Variants in MORN1 observed in about 807,000 individuals in gnomAD.
The protein encoded by MORN1 is MORN repeat-containing protein 1.
MORN1 carries 67 observed loss-of-function variants against 61.9 expected under a neutral mutation model. The observed-to-expected ratio is 1.08, with a 90% CI of 0.89 to 1.33. The LOEUF (loss-of-function observed/expected upper bound fraction) is 1.33, where lower values mean the gene tolerates loss of function less well. Ranked by LOEUF, MORN1 falls within the 40% of genes most tolerant of loss-of-function variation. The pLI, the probability that MORN1 is intolerant of heterozygous loss-of-function variation, is 0.00. For missense variants in MORN1, 752 were observed against 691.2 expected (o/e 1.09, Z -0.99); for synonymous variants, 301 against 292.0 (o/e 1.03, Z -0.31).
At position 2,328,840 on chromosome 1, in the gene MORN1, G is replaced by A. The variant is rs147415943; in HGVS notation, c.1251-4697C>T. 4.6e-3 allele frequency among the ~76,000 whole-genome samples: 694 copies of A among 152,298 alleles called. 4 individuals carry two copies. Among genetic ancestry groups the A allele is most frequent in the Non-Finnish European group, 7.6e-3 (518 of 68,016 alleles). On this transcript the variant is annotated intron_variant, in intron 12 of 13. Coordinates refer to ENST00000378531, the MANE Select transcript of MORN1 (RefSeq NM_024848.3). ...CCATGGAACACCCGGAGAATGTGCC[G>A]GCACCAGGGAGGCCTCTTGCCTCCT...
chr1:2,381,316 G>A (rs1037041036), intron 6 of MORN1, among the ~76,000 whole-genome samples: 70 of 152,386 alleles, frequency 4.6e-4, no homozygotes, highest in African/African-American at 1.6e-3. Context: ...CTGGGCAGGA[G>A]GAATGCCTGG....
chr1:2,334,975 G>C lies in MORN1; in HGVS notation c.1250+1494C>G, dbSNP rs752476364. 3.3e-5 allele frequency among the ~76,000 whole-genome samples: 5 copies of C among 152,214 alleles called. No individual in the cohort carries two copies. Among genetic ancestry groups the C allele is most frequent in the Admixed American group, 6.5e-5 (1 of 15,282 alleles). On this transcript the variant is annotated intron_variant, in intron 12 of 13. Transcript: ENST00000378531. The surrounding 1 kb of genome is among the most constrained non-coding windows in gnomAD (Gnocchi z 5.4). ...CAGAATGTCTCGGCTTTTGGCTCTC[G>C]CAGACGCTCCTGAGGCCGAGTCACT...
At chr1:2,363,606 T>C (rs576392465) in intron 8 of MORN1, 1 of 150,714 alleles carries the variant, frequency 6.6e-6, no homozygotes. Flanking sequence ...GAAAAAAAAA[T>C]TTTTTTAAAT....
chr1:2,351,069 C>T (rs1641634065), intron 10 of MORN1: 1 of 152,678 alleles, frequency 6.5e-6, no homozygotes, highest in Non-Finnish European at 1.5e-5. Flanking sequence ...TGTCCCACTG[C>T]TCGGGCTGGC....
At chr1:2,323,335 C>T in intron 13 of MORN1, 1 of 985,438 alleles carries the variant, frequency 1.0e-6, no homozygotes, top group Non-Finnish European at 1.2e-6. Context: ...ATCCAGACCC[C>T]AGTGAGCAGC....
chr1:2,385,111 G>A, intron 5 of MORN1, 46 bp from the exon 6 acceptor site: 1 of 1,538,694 alleles, frequency 6.5e-7, no homozygotes, highest in Admixed American at 1.9e-5. Flanking sequence ...GGGGAGCCGG[G>A]TGGTGGCAGT....
At chr1:2,376,297 A>T (rs543993819) in intron 6 of MORN1, 1 of 152,342 alleles carries the variant, frequency 6.6e-6, no homozygotes, top group Non-Finnish European at 1.5e-5. Flanking sequence ...CTCTCATCTC[A>T]TTCACGCTGG....
intron 6 of MORN1, among the ~76,000 whole-genome samples, chr1:2,380,993 C>T (rs2100358185): frequency 6.6e-6 from 1 of 152,356 alleles, no homozygotes; most frequent in South Asian, 2.1e-4. Context: ...CGGGTCGATG[C>T]CGTTTTCTCT....
intron 4 of MORN1, chr1:2,386,867 G>A (rs980028568): frequency 3.8e-5 from 6 of 155,904 alleles, no homozygotes; most frequent in African/African-American, 1.2e-4. Context: ...TGGCTTGGCT[G>A]GGTAGAGGGA....
At chr1:2,389,810 C>T in intron 2 of MORN1, 115 bp downstream of exon 2, 1 of 900,794 alleles carries the variant, frequency 1.1e-6, no homozygotes, top group Non-Finnish European at 1.8e-6. Context: ...CACCAGGGTA[C>T]AATGGGCTCG....
intron 2 of MORN1, 23 bp from the exon 3 acceptor site, chr1:2,388,360 G>A (rs1642555971): frequency 1.3e-6 from 2 of 1,589,654 alleles, no homozygotes; most frequent in Non-Finnish European, 1.7e-6. Context: ...ATCGTCACGT[G>A]AACTCAGACA....
At position 2,372,261 on chromosome 1, in the gene MORN1, C is replaced by T; in HGVS notation, c.745+220G>A. The T allele has an allele frequency of 1.9e-6, 1 of 533,522 alleles. No individual in the cohort carries two copies. The allele number at this position is 533,522 out of a possible 1,614,324, so 33.0% of individuals were successfully genotyped here. A position where few individuals can be genotyped will look rare whatever the true frequency, so the allele number is the denominator to read the frequency against. ...CACACACATACAGGAGCACGCACAT[C>T]ACACAATATGTGCACACATGCTTGC... On this transcript the variant is annotated intron_variant, in intron 8 of 13. Transcript: ENST00000378531. This position sits in a 1 kb window ranked among gnomAD's most constrained non-coding sequence, Gnocchi z 5.4.
intron 6 of MORN1, among the ~76,000 whole-genome samples, chr1:2,380,051 G>A (rs1465836249): frequency 2.0e-5 from 3 of 152,178 alleles, no homozygotes; most frequent in Non-Finnish European, 2.9e-5. Flanking sequence ...GTGCGGGCCC[G>A]GCTCAGCCTT....
rs1641223874 is a variant in MORN1, at chr1:2,334,501, G to A, written c.1250+1968C>T. Among the ~76,000 whole-genome samples the A allele has an allele frequency of 6.6e-6, 1 of 152,206 alleles. No individual in the cohort carries two copies. The highest frequency in any genetic ancestry group is 1.5e-5 in the Non-Finnish European group (1 of 68,034). Reference sequence around the variant, plus strand: ...TTCCGCACCCAGAAGACGTAGTAAGGCCAGCTGCATGGAGAGGCGGGGCTC... The same window carrying A: ...TTCCGCACCCAGAAGACGTAGTAAGACCAGCTGCATGGAGAGGCGGGGCTC... On this transcript the variant is annotated intron_variant, in intron 12 of 13. Coordinates refer to ENST00000378531, the MANE Select transcript of MORN1 (RefSeq NM_024848.3). This position sits in a 1 kb window ranked among gnomAD's most constrained non-coding sequence, Gnocchi z 5.4.
At chr1:2,323,237 C>T (rs1414849067) in intron 13 of MORN1, 1 of 985,180 alleles carries the variant, frequency 1.0e-6, no homozygotes, top group Non-Finnish European at 1.2e-6. Context: ...GCCTCACTGG[C>T]TACAGCCCCG....
rs1640874199 is a variant in MORN1 at position 2,321,332 on chromosome 1, G to A, written c.*51C>T. 2.3e-6 allele frequency: 3 copies of A among 1,285,294 alleles called. No individual in the cohort carries two copies. The highest frequency in any genetic ancestry group is 3.1e-6 in the Non-Finnish European group (3 of 956,442). 79.6% of individuals were successfully genotyped at this position (1,285,294 alleles called of 1,614,324 possible). On this transcript the variant is annotated 3_prime_UTR_variant, in exon 14 of 14. Transcript: ENST00000378531. ...GGGGAGCAGAGTCACGCAAGCAGAG[G>A]CAGCGTTTCCTTCCATTCACACCGA...
intron 10 of MORN1, among the ~76,000 whole-genome samples, chr1:2,342,323 C>G (rs764775889): frequency 8.5e-5 from 13 of 152,252 alleles, no homozygotes; most frequent in Non-Finnish European, 1.8e-4. Context: ...TCGGGCCAGG[C>G]CAGCCCCAAG....
intron 8 of MORN1, among the ~76,000 whole-genome samples, chr1:2,359,256 C>A (rs1189432839): frequency 6.6e-6 from 1 of 152,128 alleles, no homozygotes; most frequent in East Asian, 1.9e-4. Flanking sequence ...GGGATGGGCT[C>A]CCCCCTCCAC....
chr1:2,372,988 G>A lies in MORN1; in HGVS notation c.635-397C>T, dbSNP rs1215685175. Among the ~76,000 whole-genome samples, 1 of 152,268 alleles carries A rather than the reference G, an allele frequency of 6.6e-6. No homozygotes were observed. The highest frequency in any genetic ancestry group is 6.5e-5 in the Admixed American group (1 of 15,286). Reference sequence around the variant, plus strand: ...TCTGAGTCAGCACCCTGAGGTGCTGGACCTGGGACTAGGGCAAGGCCTGGC... The same window carrying A: ...TCTGAGTCAGCACCCTGAGGTGCTGAACCTGGGACTAGGGCAAGGCCTGGC... On this transcript the variant is annotated intron_variant, in intron 7 of 13. Coordinates refer to ENST00000378531, the MANE Select transcript of MORN1 (RefSeq NM_024848.3). The surrounding 1 kb of genome is among the most constrained non-coding windows in gnomAD (Gnocchi z 5.4).
Sources: gnomAD v4.1 joint callset for allele counts (sites outside exome capture counted in the v4.1 genomes callset) on GRCh38, gnomAD v4.1.1 for gene constraint, Gnocchi (gnomAD v3.1) non-coding constraint, MANE v1.5 for transcripts, NCBI Gene and HGNC (gene_info 2026-07-23, HGNC 2026-07-21) for gene names.